AGPAT3: variants seen among roughly 807,000 people sequenced by gnomAD.
The protein encoded by AGPAT3 is 1-acyl-sn-glycerol-3-phosphate acyltransferase gamma.
AGPAT3 carries 5 observed loss-of-function variants against 47.3 expected under a neutral mutation model. The ratio of observed to expected loss-of-function variants is 0.11; its 90% CI spans 0.06 to 0.22. The LOEUF is 0.22. Among genes scored for constraint, AGPAT3 ranks in the 10% least tolerant of loss-of-function variants. The pLI is 1.00. For missense variants in AGPAT3, 315 were observed against 493.0 expected (o/e 0.64, Z 3.42); for synonymous variants, 212 against 208.3 (o/e 1.02, Z -0.15).
chr21:43,972,139 C>T (rs914720821), intron 7 of AGPAT3, among the ~76,000 whole-genome samples: 1 of 140,882 alleles, frequency 7.1e-6, no homozygotes, highest in Non-Finnish European at 1.6e-5. Context: ...AAAGGAAGAG[C>T]CTGTTTGATT....
rs1243167995 is a variant in AGPAT3 at position 43,908,870 on chromosome 21, A to ACAGGCT, written c.-49+4861_-49+4866dup. On this transcript the variant is annotated intron_variant, in intron 2 of 9. Coordinates refer to ENST00000291572, the MANE Select transcript of AGPAT3 (RefSeq NM_020132.5). This position sits in a 1 kb window ranked among gnomAD's most constrained non-coding sequence, Gnocchi z 4.9. ...TTGTTTGCATTTTTTGGATGAGGGTACAGGCTCAGGCTCAGCTCACACGGT... is the reference window on the plus strand; with the variant it reads ...TTGTTTGCATTTTTTGGATGAGGGTACAGGCTCAGGCTCAGGCTCAGCTCACACGGT... Among the ~76,000 whole-genome samples, 3 of 152,016 alleles carry ACAGGCT rather than the reference A, an allele frequency of 2.0e-5. No homozygotes were observed. The highest frequency in any genetic ancestry group is 4.4e-5 in the Non-Finnish European group (3 of 67,986).
chr21:43,977,956 C>A, intron 7 of AGPAT3, 90 bp from the exon 8 acceptor site: 1 of 1,044,120 alleles, frequency 9.6e-7, no homozygotes, highest in Non-Finnish European at 1.4e-6. Flanking sequence ...CCATAGGCCA[C>A]CCTGGCACAC....
At chr21:43,877,068 A>G (rs570517607) in intron 1 of AGPAT3, among the ~76,000 whole-genome samples, 10 of 152,156 alleles carry the variant, frequency 6.6e-5, no homozygotes, top group Non-Finnish European at 1.5e-4. Context: ...CATGTTACCC[A>G]GGGTGGTCTT....
rs980232648 is a variant in AGPAT3, at chr21:43,985,185, C to G, written c.*2793C>G. ...TGCCAGGTGTCATGGGGTCTCCTGC[C>G]CATCTTCCCAAGGATGCCATTGCTG... On this transcript the variant is annotated 3_prime_UTR_variant, in exon 10 of 10. Coordinates refer to ENST00000291572, the MANE Select transcript of AGPAT3 (RefSeq NM_020132.5). 2.2e-6 allele frequency: 1 copy of G among 456,188 alleles called. No homozygotes were observed. Among genetic ancestry groups the G allele is most frequent in the Non-Finnish European group, 4.4e-6 (1 of 226,968 alleles). 28.3% of individuals were successfully genotyped at this position (456,188 alleles called of 1,614,324 possible).
intron 1 of AGPAT3, 115 bp from the exon 2 acceptor site, chr21:43,903,842 G>C (rs1355465532): frequency 3.3e-5 from 5 of 152,308 alleles, no homozygotes; most frequent in Non-Finnish European, 7.3e-5. Context: ...ATGCGTGCTT[G>C]TCAGTCTCCC....
At chr21:43,956,961 A>G (rs2088498828) in intron 2 of AGPAT3, among the ~76,000 whole-genome samples, 1 of 152,240 alleles carries the variant, frequency 6.6e-6, no homozygotes, top group Non-Finnish European at 1.5e-5. Context: ...CAGAAAGGGA[A>G]GAAGACCCCT....
chr21:43,890,003 T>C (rs577744051), intron 1 of AGPAT3, among the ~76,000 whole-genome samples: 3 of 148,828 alleles, frequency 2.0e-5, no homozygotes, highest in Non-Finnish European at 3.0e-5. Flanking sequence ...ATTTTGGATC[T>C]GTGTCCCTAA....
intron 3 of AGPAT3, among the ~76,000 whole-genome samples, chr21:43,963,742 C>G (rs1049677884): frequency 1.4e-5 from 2 of 147,366 alleles, no homozygotes; most frequent in Non-Finnish European, 3.0e-5. Context: ...ATAAGGAAGT[C>G]TTCGAATCCC....
chr21:43,873,930 CTT>C (rs781233604), intron 1 of AGPAT3, among the ~76,000 whole-genome samples: 24 of 152,316 alleles, frequency 1.6e-4, no homozygotes, highest in Non-Finnish European at 3.2e-4. Flanking sequence ...CTTCTACACT[CTT>C]TGGGTTTATT....
At chr21:43,896,943 GTTTTTTTTTT>G (rs61657564) in intron 1 of AGPAT3, among the ~76,000 whole-genome samples, 4 of 42,322 alleles carry the variant, frequency 9.5e-5, no homozygotes, top group African/African-American at 3.3e-4. Flanking sequence ...TTGACAGTCC[GTTTTTTTTTT>G]TTTTTTTTTT....
chr21:43,906,346 G>A (rs185801475), intron 2 of AGPAT3, among the ~76,000 whole-genome samples: 6 of 152,270 alleles, frequency 3.9e-5, no homozygotes, highest in Non-Finnish European at 8.8e-5. Flanking sequence ...CCAAGCTGGT[G>A]AGTGTTAATA....
intron 2 of AGPAT3, among the ~76,000 whole-genome samples, chr21:43,921,342 A>G (rs146424890): frequency 1.7e-3 from 262 of 152,166 alleles, no homozygotes; most frequent in African/African-American, 6.0e-3. Flanking sequence ...AAACCAGTAG[A>G]CGGTGTTCCC....
At chr21:43,883,094 A>C (rs1346006845) in intron 1 of AGPAT3, among the ~76,000 whole-genome samples, 2 of 152,234 alleles carry the variant, frequency 1.3e-5, no homozygotes, top group Non-Finnish European at 2.9e-5. Context: ...GAGACTGTGA[A>C]GCTGTGATAC....
At chr21:43,911,059 A>G (rs1229475609) in intron 2 of AGPAT3, among the ~76,000 whole-genome samples, 1 of 152,230 alleles carries the variant, frequency 6.6e-6, no homozygotes, top group East Asian at 1.9e-4. Context: ...TTATCCTTCT[A>G]GAGTTTATAA....
intron 1 of AGPAT3, among the ~76,000 whole-genome samples, 173 bp downstream of exon 1, chr21:43,865,518 G>A (rs1377560805): frequency 6.8e-6 from 1 of 147,786 alleles, no homozygotes; most frequent in Non-Finnish European, 1.5e-5. Context: ...CGGGGCGCGG[G>A]GCCTGGGAAG....
Position 43,934,278 on chromosome 21 carries a change from G to C in AGPAT3, c.-48-25356G>C, listed in dbSNP as rs775646557. On this transcript the variant is annotated intron_variant, in intron 2 of 9. Transcript: ENST00000291572. The surrounding 1 kb of genome is among the most constrained non-coding windows in gnomAD (Gnocchi z 4.7). ...GCTCCCACACACCAGCCCTCTCACC[G>C]CGGTGTGCCTGTCCCCACCTCCCAA... Among the ~76,000 whole-genome samples the C allele has an allele frequency of 1.3e-5, 2 of 152,190 alleles. No individual in the cohort carries two copies. Among genetic ancestry groups the C allele is most frequent in the Non-Finnish European group, 2.9e-5 (2 of 68,036 alleles).
At chr21:43,916,117 CTTGGTA>C (rs1387574638) in intron 2 of AGPAT3, among the ~76,000 whole-genome samples, 2 of 152,068 alleles carry the variant, frequency 1.3e-5, no homozygotes, top group Non-Finnish European at 2.9e-5. Flanking sequence ...TTAATTATTA[CTTGGTA>C]TTGGTTGAAA....
intron 2 of AGPAT3, among the ~76,000 whole-genome samples, chr21:43,951,191 G>C (rs2088175749): frequency 6.6e-6 from 1 of 152,234 alleles, no homozygotes; most frequent in African/African-American, 2.4e-5. Context: ...CACTACACCA[G>C]AGCCCTTGGG....
chr21:43,915,993 T>TTACTTCTA (rs1213869012), intron 2 of AGPAT3, among the ~76,000 whole-genome samples: 1 of 152,206 alleles, frequency 6.6e-6, no homozygotes, highest in Non-Finnish European at 1.5e-5. Context: ...TCTTCAGTTT[T>TTACTTCTA]TACTTCTATT....
Sources: gnomAD v4.1 joint callset for allele counts (sites outside exome capture counted in the v4.1 genomes callset) on GRCh38, gnomAD v4.1.1 for gene constraint, Gnocchi (gnomAD v3.1) non-coding constraint, MANE v1.5 for transcripts, NCBI Gene and HGNC (gene_info 2026-07-23, HGNC 2026-07-21) for gene names.